TEX2: variants seen among roughly 807,000 people sequenced by gnomAD.
TEX2 encodes the protein testis expressed 2.
In TEX2, 53 loss-of-function variants were observed where a neutral mutation model predicts 106.9. The observed-to-expected ratio is 0.50, with a 90% confidence interval of 0.40 to 0.62. The LOEUF (loss-of-function observed/expected upper bound fraction) is 0.62, where lower values mean the gene tolerates loss of function less well. Ranked by LOEUF, TEX2 falls within the 20% of genes least tolerant of loss-of-function variation. TEX2 has a pLI of 0.00. For missense variants in TEX2, 1,207 were observed against 1,379.0 expected (o/e 0.88, Z 1.98); for synonymous variants, 523 against 534.8 (o/e 0.98, Z 0.30).
At chr17:64,175,627 C>A (rs1223821379) in intron 6 of TEX2, among the ~76,000 whole-genome samples, 1 of 152,112 alleles carries the variant, frequency 6.6e-6, no homozygotes, top group Non-Finnish European at 1.5e-5. Flanking sequence ...TGCTCTGTCA[C>A]CCAGGCTGGA....
intron 1 of TEX2, among the ~76,000 whole-genome samples, chr17:64,232,287 T>A (rs1329199111): frequency 1.3e-5 from 2 of 152,194 alleles, no homozygotes; most frequent in African/African-American, 2.4e-5. Flanking sequence ...GGATCTTTTT[T>A]AAATGAGAGC....
chr17:64,165,915 A>G (rs1244985937), intron 7 of TEX2, among the ~76,000 whole-genome samples: 1 of 152,208 alleles, frequency 6.6e-6, no homozygotes, highest in Non-Finnish European at 1.5e-5. Flanking sequence ...TGGTATCTTG[A>G]AAACAAGGCA....
chr17:64,218,222 G>T (rs1374431935), intron 1 of TEX2, among the ~76,000 whole-genome samples: 1 of 151,894 alleles, frequency 6.6e-6, no homozygotes, highest in African/African-American at 2.4e-5. Flanking sequence ...CCCCAGCGTG[G>T]GTGACAAAGT....
chr17:64,197,262 T>C (rs1471805679), intron 2 of TEX2, among the ~76,000 whole-genome samples: 1 of 152,170 alleles, frequency 6.6e-6, no homozygotes, highest in Non-Finnish European at 1.5e-5. Context: ...GATTTTTCCT[T>C]GCAGAAAGGT....
intron 2 of TEX2, among the ~76,000 whole-genome samples, chr17:64,196,635 TG>T (rs1567934085): frequency 1.3e-5 from 2 of 152,204 alleles, no homozygotes; most frequent in Admixed American, 1.3e-4. Context: ...CAGATCACAG[TG>T]GGGCCTGAAG....
chr17:64,166,768 T>C (rs1013614850), intron 7 of TEX2, among the ~76,000 whole-genome samples: 1 of 152,212 alleles, frequency 6.6e-6, no homozygotes, highest in African/African-American at 2.4e-5. Context: ...TGAGTATTTG[T>C]TGAATGAATG....
chr17:64,193,250 C>T (rs2032358164), intron 4 of TEX2, among the ~76,000 whole-genome samples: 1 of 152,232 alleles, frequency 6.6e-6, no homozygotes, highest in South Asian at 2.1e-4. Context: ...CACCTGCCAT[C>T]TCAGAACCAG....
At chr17:64,248,652 C>T (rs1555636547) in intron 1 of TEX2, among the ~76,000 whole-genome samples, 1 of 152,198 alleles carries the variant, frequency 6.6e-6, no homozygotes, top group Non-Finnish European at 1.5e-5. Flanking sequence ...AGATGGTAGG[C>T]TTCCTGCTTG....
At chr17:64,152,372 C>T (rs2030400125) in intron 10 of TEX2, among the ~76,000 whole-genome samples, 1 of 152,050 alleles carries the variant, frequency 6.6e-6, no homozygotes. Context: ...TAGCAAGTCC[C>T]CAGGTGATTT....
chr17:64,180,145 C>A (rs1272172049), intron 5 of TEX2, among the ~76,000 whole-genome samples: 1 of 152,184 alleles, frequency 6.6e-6, no homozygotes, highest in Non-Finnish European at 1.5e-5. Context: ...GACCACCTGG[C>A]CCCTCAGACA....
Position 64,257,714 on chromosome 17 carries a change from A to G in TEX2, c.-26+5454T>C, listed in dbSNP as rs1382536372. ...CAAGTAACGCTTATTTTACTTAATA[A>G]CAGCCCCAAAGCACAAGATTAATGA... On this transcript the variant is annotated intron_variant, in intron 1 of 11. Coordinates refer to ENST00000584379, the MANE Select transcript of TEX2 (RefSeq NM_001288732.2). 2.0e-5 allele frequency among the ~76,000 whole-genome samples: 3 copies of G among 152,192 alleles called. No homozygotes were observed. The East Asian group carries it at 5.8e-4, about 29-fold the overall frequency.
At chr17:64,207,981 G>A (rs1357776023) in intron 2 of TEX2, among the ~76,000 whole-genome samples, 10 of 151,996 alleles carry the variant, frequency 6.6e-5, no homozygotes, top group African/African-American at 2.4e-4. Context: ...TGATCCACCC[G>A]CCTCAGCCTC....
chr17:64,166,018 C>T (rs1262159976), intron 7 of TEX2, among the ~76,000 whole-genome samples: 2 of 152,162 alleles, frequency 1.3e-5, no homozygotes, highest in Non-Finnish European at 2.9e-5. Context: ...TAAATGAATT[C>T]ATCTAAGCCT....
rs1265379120 is a variant in TEX2 at position 64,177,432 on chromosome 17, C to A, written c.2464G>T (p.Ala822Ser). 1 of 1,614,084 alleles carries A rather than the reference C, an allele frequency of 6.2e-7. No homozygotes were observed. The highest frequency in any genetic ancestry group is 2.2e-5 in the East Asian group (1 of 44,892). The change falls in exon 6 of 12, where the codon GCC (alanine) becomes TCC (serine). Residue 822 changes from alanine (A) to serine (S), a missense_variant. Physicochemically the swap from Ala to Ser is moderately conservative, Grantham distance 99. Around this residue, in one of 3 missense-constraint regions of TEX2, gnomAD observed 1,067 missense variants for 1,193.6 expected, o/e 0.89. Transcript: ENST00000584379. ...VPPSEEEEQE[A>S]WVNALLGRIF... ...CTTCCAAGCAAGGCATTCACCCAGGCTTCCTGTTCTTCCTCCTCAGAGGGT... is the reference window on the plus strand; with the variant it reads ...CTTCCAAGCAAGGCATTCACCCAGGATTCCTGTTCTTCCTCCTCAGAGGGT...
intron 2 of TEX2, among the ~76,000 whole-genome samples, chr17:64,196,126 C>G (rs779158205): frequency 6.6e-6 from 1 of 152,210 alleles, no homozygotes; most frequent in Non-Finnish European, 1.5e-5. Context: ...AATTGAAAGC[C>G]TATGAGAATG....
In TEX2 at chr17:64,171,126, G is replaced by A. The variant is rs572035181; in HGVS notation, c.2645C>T (p.Ala882Val). The change falls in exon 7 of 12, where the codon GCC becomes GTC. Residue 882 changes from alanine (A) to valine (V), a missense_variant. Transcript: ENST00000584379. ...MGVAVPKILQAFKPYVDHQGL... is the reference protein window; with the variant it reads ...MGVAVPKILQVFKPYVDHQGL... ...TTGGTGATCAACGTAAGGCTTGAAG[G>A]CCTGGAGGATTTTTGGCACAGCCAC... 1.2e-6 allele frequency: 2 copies of A among 1,614,106 alleles called. No individual in the cohort carries two copies. The highest frequency in any genetic ancestry group is 2.2e-5 in the South Asian group (2 of 91,084).
In TEX2 at chr17:64,205,914, A is replaced by T. The variant is rs1303625369; in HGVS notation, c.1644+6660T>A. Among the ~76,000 whole-genome samples the T allele has an allele frequency of 6.6e-6, 1 of 152,204 alleles. No homozygotes were observed. The highest frequency in any genetic ancestry group is 1.9e-4 in the East Asian group (1 of 5,196). On this transcript the variant is annotated intron_variant, in intron 2 of 11. Transcript: ENST00000584379. This position sits in a 1 kb window ranked among gnomAD's most constrained non-coding sequence, Gnocchi z 4.0. ...GCTGTGTTCTGCTGGTGGTTTATAA[A>T]TCTGAGATAAAGAATTTGCTCGTGA...
intron 1 of TEX2, among the ~76,000 whole-genome samples, chr17:64,239,539 C>T (rs1233193495): frequency 2.6e-5 from 4 of 152,046 alleles, no homozygotes; most frequent in Non-Finnish European, 5.9e-5. Context: ...ATAAACTAAG[C>T]TTAACTTACA....
At chr17:64,231,165 A>G (rs1288252570) in intron 1 of TEX2, among the ~76,000 whole-genome samples, 10 of 152,172 alleles carry the variant, frequency 6.6e-5, no homozygotes, top group Admixed American at 6.5e-4. Context: ...AGCAGCCCCT[A>G]TCTTTCCCCC....
Sources: gnomAD v4.1 joint callset for allele counts (sites outside exome capture counted in the v4.1 genomes callset) on GRCh38, gnomAD v4.1.1 for gene constraint, gnomAD v4.1.1 regional missense constraint, Gnocchi (gnomAD v3.1) non-coding constraint, MANE v1.5 for transcripts, NCBI Gene and HGNC (gene_info 2026-07-23, HGNC 2026-07-21) for gene names.